The following MSL2 variants were observed in gnomAD, a reference collection of about 807,000 sequenced individuals.
The protein encoded by MSL2 is MSL complex subunit 2.
A neutral mutation model predicts 35.8 loss-of-function variants in MSL2; 2 were observed. That is an observed-to-expected ratio of 0.06 (90% CI 0.02 to 0.18). The LOEUF is 0.18. Among genes scored for constraint, MSL2 ranks in the 10% least tolerant of loss-of-function variants. MSL2 has a pLI of 1.00. For synonymous variants in MSL2, 296 were observed against 255.7 expected (o/e 1.16, Z -1.50); for missense variants, 523 against 706.7 (o/e 0.74, Z 2.95).
chr3:136,195,897 C>G lies in MSL2; in HGVS notation c.-784G>C. Reference sequence around the variant, plus strand: ...GGGGCGGGGGGCAAGCCCGGCCGGGCCGCGGCGGCGCCCCTCGCGCCTCAG... The same window carrying G: ...GGGGCGGGGGGCAAGCCCGGCCGGGGCGCGGCGGCGCCCCTCGCGCCTCAG... On this transcript the variant is annotated 5_prime_UTR_variant, in exon 1 of 2. Transcript: ENST00000309993. The G allele has an allele frequency of 2.3e-6, 2 of 859,798 alleles. No homozygotes were observed. Among genetic ancestry groups the G allele is most frequent in the Non-Finnish European group, 2.8e-6 (2 of 716,708 alleles). The allele number at this position is 859,798 out of a possible 1,614,324, so 53.3% of individuals were successfully genotyped here.
In MSL2 at chr3:136,163,152, G is replaced by A. The variant is rs538369066; in HGVS notation, c.143-10414C>T. On this transcript the variant is annotated intron_variant, in intron 1 of 1. Transcript: ENST00000309993. ...TGGGCGCCTGTAATCCCAGCTACTC[G>A]GAAGGCTACGGCAGGAGAACTGTTT... Among the ~76,000 whole-genome samples the A allele has an allele frequency of 5.6e-4, 85 of 152,178 alleles. 1 individual carries two copies. Among genetic ancestry groups the A allele is most frequent in the African/African-American group, 1.5e-3 (61 of 41,516 alleles).
Position 136,195,232 on chromosome 3 carries a change from T to C in MSL2, c.-119A>G, listed in dbSNP as rs760123413. 189 of 1,508,920 alleles carry C rather than the reference T, an allele frequency of 1.3e-4. No homozygotes were observed. Among genetic ancestry groups the C allele is most frequent in the South Asian group, 3.6e-4 (26 of 72,970 alleles). The allele number at this position is 1,508,920 out of a possible 1,614,324, so 93.5% of individuals were successfully genotyped here. On this transcript the variant is annotated 5_prime_UTR_variant, in exon 1 of 2. The change abolishes an upstream ATG in the 5' untranslated region. Transcript: ENST00000309993. ...TTCGGAAGAAATCAGAGCCGAACCA[T>C]TGGCCAAACAAGTAACCAAAATCCG...
rs1206283700 is a variant in MSL2, at chr3:136,180,791, AGGGAGGGAGGGAGGGAG to A, written c.142+14164_142+14180del. Among the ~76,000 whole-genome samples the A allele has an allele frequency of 1.0e-3, 71 of 68,338 alleles. 2 individuals carry two copies. The highest frequency in any genetic ancestry group is 8.8e-3 in the South Asian group (11 of 1,252). 44.8% of individuals were successfully genotyped at this position (68,338 alleles called of 152,430 possible). Reference sequence around the variant, plus strand: ...GAGGGAGGGAGGGAGGGAGGGAGGGAGGGAGGGAGGGAGGGAGGGAAGGAGGGAAGGAAGGAAGGAAG... The same window carrying A: ...GAGGGAGGGAGGGAGGGAGGGAGGGAGGAAGGAGGGAAGGAAGGAAGGAAG... On this transcript the variant is annotated intron_variant, in intron 1 of 1. Coordinates refer to ENST00000309993, the MANE Select transcript of MSL2 (RefSeq NM_018133.4).
In MSL2 at chr3:136,189,108, CAAAAAAA is replaced by C. The variant is rs372715974; in HGVS notation, c.142+5857_142+5863del. ...GCAACATGGTGAAACCCTGTCTCTACAAAAAAAAAAAAAAAAAAAAAAAAAAAACACA... is the reference window on the plus strand; with the variant it reads ...GCAACATGGTGAAACCCTGTCTCTACAAAAAAAAAAAAAAAAAAAAACACA... On this transcript the variant is annotated intron_variant, in intron 1 of 1. Coordinates refer to ENST00000309993, the MANE Select transcript of MSL2 (RefSeq NM_018133.4). Among the ~76,000 whole-genome samples the C allele has an allele frequency of 8.6e-3, 331 of 38,596 alleles. 3 individuals carry two copies. Among genetic ancestry groups the C allele is most frequent in the African/African-American group, 0.029 (292 of 9,992 alleles). The allele number at this position is 38,596 out of a possible 152,430, so 25.3% of individuals were successfully genotyped here.
chr3:136,165,561 T>A (rs1939823136), intron 1 of MSL2, among the ~76,000 whole-genome samples: 1 of 152,220 alleles, frequency 6.6e-6, no homozygotes, highest in African/African-American at 2.4e-5. Context: ...ATATTTAATA[T>A]CAGATTTTTT....
At chr3:136,181,499 G>C (rs996273592) in intron 1 of MSL2, among the ~76,000 whole-genome samples, 30 of 152,218 alleles carry the variant, frequency 2.0e-4, no homozygotes, top group Middle Eastern at 3.4e-3. Flanking sequence ...AGTAACAGAA[G>C]TCCTTTCACT....
At position 136,149,045 on chromosome 3, in the gene MSL2, A is replaced by G. The variant is rs1039153803; in HGVS notation, c.*2102T>C. The G allele has an allele frequency of 3.6e-4, 55 of 152,484 alleles. No individual in the cohort carries two copies. Among genetic ancestry groups the G allele is most frequent in the African/African-American group, 1.3e-3 (54 of 41,414 alleles). The allele number at this position is 152,484 out of a possible 1,614,324, so 9.4% of individuals were successfully genotyped here. ...AAAACAACCTGAATTCATCATTGGC[A>G]ATATTACATAACAATCAAGGCCCTC... On this transcript the variant is annotated 3_prime_UTR_variant, in exon 2 of 2. Coordinates refer to ENST00000309993, the MANE Select transcript of MSL2 (RefSeq NM_018133.4).
rs560567425 is a variant in MSL2 at position 136,150,999 on chromosome 3, G to A, written c.*148C>T. 2.3e-5 allele frequency: 19 copies of A among 839,002 alleles called. No individual in the cohort carries two copies. Among genetic ancestry groups the A allele is most frequent in the South Asian group, 8.9e-5 (5 of 56,462 alleles). 52.0% of individuals were successfully genotyped at this position (839,002 alleles called of 1,614,324 possible). ...TCCATTATCTGCAAACTATTTCCCC[G>A]ACACTAACACATATAACTTAGCAAT... On this transcript the variant is annotated 3_prime_UTR_variant, in exon 2 of 2. Coordinates refer to ENST00000309993, the MANE Select transcript of MSL2 (RefSeq NM_018133.4).
chr3:136,181,862 T>C (rs1940374287), intron 1 of MSL2, among the ~76,000 whole-genome samples: 1 of 151,854 alleles, frequency 6.6e-6, no homozygotes, highest in Non-Finnish European at 1.5e-5. Context: ...AAGGTTGCAG[T>C]GAGCCAACAC....
intron 1 of MSL2, among the ~76,000 whole-genome samples, chr3:136,167,410 A>C (rs1939882410): frequency 6.6e-6 from 1 of 152,218 alleles, no homozygotes; most frequent in Non-Finnish European, 1.5e-5. Context: ...AAAATGCATC[A>C]TATAATTCTA....
At chr3:136,154,921 C>T (rs766720860) in intron 1 of MSL2, among the ~76,000 whole-genome samples, 7 of 151,988 alleles carry the variant, frequency 4.6e-5, no homozygotes, top group African/African-American at 7.2e-5. Context: ...TTTAAGAAAG[C>T]GGCTGGGCAG....
intron 1 of MSL2, among the ~76,000 whole-genome samples, chr3:136,166,802 T>A (rs2108072527): frequency 6.6e-6 from 1 of 152,340 alleles, no homozygotes; most frequent in South Asian, 2.1e-4. Flanking sequence ...ATCAGTACTC[T>A]TGGAAAACTC....
rs764073442 is a variant in MSL2, at chr3:136,195,060, G to A, written c.54C>T (p.Leu18=). 1 of 1,614,096 alleles carries A rather than the reference G, an allele frequency of 6.2e-7. No homozygotes were observed. Among genetic ancestry groups the A allele is most frequent in the South Asian group, 1.1e-5 (1 of 91,066 alleles). ...ALYISASRLV[L]NYDPGDPKAF... is the part of the protein sequence containing the mutation. The stretch of plus-strand genomic sequence containing the variant: ...CCTTGGGGTCTCCGGGGTCGTAGTT[G>A]AGCACTAGGCGGCTCGCGGAAATGT... The change falls in exon 1 of 2, where the codon CTC becomes CTT. Residue 18 remains leucine (L), a synonymous_variant. Coordinates refer to ENST00000309993, the MANE Select transcript of MSL2 (RefSeq NM_018133.4).
At position 136,172,481 on chromosome 3, in the gene MSL2, C is replaced by G. The variant is rs191256849; in HGVS notation, c.143-19743G>C. On this transcript the variant is annotated intron_variant, in intron 1 of 1. Coordinates refer to ENST00000309993, the MANE Select transcript of MSL2 (RefSeq NM_018133.4). ...CCAGTTATTCCCTATGCAGAAGCTT[C>G]TCACCAGAATGTGTCTTCTAATGAA... is the stretch of plus-strand genomic sequence containing the variant. Among the ~76,000 whole-genome samples, 48 of 152,282 alleles carry G rather than the reference C, an allele frequency of 3.2e-4. No individual in the cohort carries two copies. The East Asian group carries it at 7.7e-3, about 25-fold the overall frequency.
intron 1 of MSL2, among the ~76,000 whole-genome samples, chr3:136,172,349 C>T (rs1940050155): frequency 1.3e-5 from 2 of 152,080 alleles, no homozygotes. Context: ...AATGCTTTGG[C>T]TCACATACCT....
intron 1 of MSL2, among the ~76,000 whole-genome samples, chr3:136,168,100 T>G (rs1038925972): frequency 1.3e-5 from 2 of 152,046 alleles, no homozygotes; most frequent in African/African-American, 4.8e-5. Flanking sequence ...TCAAGATGGC[T>G]GGGAGTGGTG....
intron 1 of MSL2, among the ~76,000 whole-genome samples, chr3:136,192,776 T>C (rs896410486): frequency 2.6e-5 from 4 of 152,206 alleles, no homozygotes; most frequent in African/African-American, 7.2e-5. Flanking sequence ...TTTTTACAAA[T>C]GCATTATCTT....
chr3:136,169,799 C>T (rs181605755), intron 1 of MSL2, among the ~76,000 whole-genome samples: 2,287 of 151,958 alleles, frequency 0.015, 26 homozygotes, highest in Non-Finnish European at 0.025. Flanking sequence ...ACTGGCCAGG[C>T]ACGCTCCAGC....
chr3:136,193,921 T>C (rs964323737), intron 1 of MSL2, among the ~76,000 whole-genome samples: 1 of 152,208 alleles, frequency 6.6e-6, no homozygotes, highest in Admixed American at 6.5e-5. Context: ...CTTCAGGATC[T>C]AGATAGAGAA....
Sources: gnomAD v4.1 joint callset for allele counts (sites outside exome capture counted in the v4.1 genomes callset) on GRCh38, gnomAD v4.1.1 for gene constraint, MANE v1.5 for transcripts, NCBI Gene and HGNC (gene_info 2026-07-23, HGNC 2026-07-21) for gene names.